Variants in CDH13 observed in about 807,000 individuals in gnomAD.
CDH13 encodes the protein cadherin-13.
A neutral mutation model predicts 63.8 loss-of-function variants in CDH13; 24 were observed. The observed-to-expected ratio is 0.38, with a 90% CI of 0.27 to 0.53. The LOEUF (loss-of-function observed/expected upper bound fraction) is 0.53, where lower values mean the gene tolerates loss of function less well. Ranked by LOEUF, CDH13 falls within the 20% of genes least tolerant of loss-of-function variation. The probability of loss-of-function intolerance (pLI) is 0.85; values close to 1 mark genes in which losing one functional copy is unlikely to be tolerated. For missense variants in CDH13, 1,049 were observed against 903.1 expected, an observed-to-expected ratio of 1.16 and a Z score of -2.07; for synonymous variants, 503 against 355.3, an observed-to-expected ratio of 1.42 and a Z score of -4.67.
chr16:82,723,057 A>C (rs1009608941), intron 1 of CDH13: 7 of 152,356 alleles, frequency 4.6e-5, no homozygotes, highest in Non-Finnish European at 1.0e-4. Context: ...AGTCTAGTCC[A>C]ACATCTGGAA....
At chr16:83,784,997 T>C (rs1483274948) in intron 13 of CDH13, among the ~76,000 whole-genome samples, 1 of 152,224 alleles carries the variant, frequency 6.6e-6, no homozygotes, top group Non-Finnish European at 1.5e-5. Context: ...AGGCTTCTCC[T>C]GAGTCTTTTC....
intron 2 of CDH13, among the ~76,000 whole-genome samples, chr16:82,925,047 C>A (rs537473623): frequency 6.6e-5 from 10 of 152,104 alleles, no homozygotes; most frequent in Admixed American, 4.6e-4. Context: ...TATTTTTCTT[C>A]CATTAATCAT....
intron 9 of CDH13, among the ~76,000 whole-genome samples, chr16:83,673,249 C>A (rs533687225): frequency 6.6e-6 from 1 of 152,156 alleles, no homozygotes; most frequent in African/African-American, 2.4e-5. Context: ...CTTAATATTA[C>A]GTAGTACATA....
intron 1 of CDH13, among the ~76,000 whole-genome samples, chr16:82,792,151 G>A (rs942549704): frequency 3.9e-5 from 6 of 152,036 alleles, no homozygotes; most frequent in African/African-American, 1.2e-4. Context: ...AGCCATCCCC[G>A]GTTCCTTGAC....
At chr16:83,470,050 A>G (rs2073415727) in intron 6 of CDH13, among the ~76,000 whole-genome samples, 1 of 152,190 alleles carries the variant, frequency 6.6e-6, no homozygotes, top group African/African-American at 2.4e-5. Flanking sequence ...ATTACAGTAC[A>G]AGATATCCTG....
At chr16:82,912,963 G>C (rs1013632359) in intron 2 of CDH13, among the ~76,000 whole-genome samples, 2 of 151,608 alleles carry the variant, frequency 1.3e-5, no homozygotes, top group African/African-American at 4.8e-5. Flanking sequence ...AAAAAGAGTG[G>C]TGCTTCAAAA....
intron 7 of CDH13, among the ~76,000 whole-genome samples, chr16:83,523,261 C>A (rs775864402): frequency 6.6e-6 from 1 of 152,160 alleles, no homozygotes. Flanking sequence ...CCTGTCATGT[C>A]CATAATAGGT....
chr16:83,275,353 G>A (rs2088954403), intron 5 of CDH13, among the ~76,000 whole-genome samples: 1 of 152,188 alleles, frequency 6.6e-6, no homozygotes, highest in Non-Finnish European at 1.5e-5. Flanking sequence ...GTTGGGTCAT[G>A]TCCACCTAAT....
At chr16:83,212,328 A>G (rs139492754) in intron 4 of CDH13, among the ~76,000 whole-genome samples, 4 of 152,286 alleles carry the variant, frequency 2.6e-5, no homozygotes, top group African/African-American at 9.6e-5. Context: ...CCAAGAAGCC[A>G]GAGAGGTGGT....
chr16:83,583,364 C>T lies in CDH13; in HGVS notation c.961-19090C>T, dbSNP rs942657338. Among the ~76,000 whole-genome samples, 5 of 152,162 alleles carry T rather than the reference C, an allele frequency of 3.3e-5. No homozygotes were observed. The East Asian group carries it at 9.6e-4, about 29-fold the overall frequency. On this transcript the variant is annotated intron_variant, in intron 7 of 13. Coordinates refer to ENST00000567109, the MANE Select transcript of CDH13 (RefSeq NM_001257.5). Reference sequence around the variant, plus strand: ...CGACCACCATTCAACACATACAAGCCCGTGGAGATAGCACTCACTTCACTT... The same window carrying T: ...CGACCACCATTCAACACATACAAGCTCGTGGAGATAGCACTCACTTCACTT...
At chr16:83,160,869 G>A (rs67491333) in intron 4 of CDH13, among the ~76,000 whole-genome samples, 34,517 of 152,106 alleles carry the variant, frequency 0.23, 5,522 homozygotes, top group African/African-American at 0.46. Flanking sequence ...TTCCACACAA[G>A]TGTTTGTCTG....
chr16:83,100,231 G>T (rs1165046724), intron 3 of CDH13, among the ~76,000 whole-genome samples: 5 of 152,016 alleles, frequency 3.3e-5, no homozygotes, highest in Non-Finnish European at 7.4e-5. Context: ...TATGGGGGTG[G>T]GGGAGACAAA....
chr16:82,662,756 G>T (rs1357989839), intron 1 of CDH13, among the ~76,000 whole-genome samples: 2 of 152,216 alleles, frequency 1.3e-5, no homozygotes, highest in African/African-American at 4.8e-5. Context: ...AATAGCGCCT[G>T]AGAGGCTTAA....
Position 83,798,798 on chromosome 16 carries a change from T to C in CDH13, c.*3768T>C, listed in dbSNP as rs1477549490. On this transcript the variant is annotated 3_prime_UTR_variant, in exon 14 of 14. Transcript: ENST00000567109. ...GGTACCCTTTACTATTAAGTACCTT[T>C]TACTAACAGTATCTTCTGTTACCTA... 1 of 152,170 alleles carries C rather than the reference T, an allele frequency of 6.6e-6. No individual in the cohort carries two copies. The highest frequency in any genetic ancestry group is 1.5e-5 in the Non-Finnish European group (1 of 68,034). 9.4% of individuals were successfully genotyped at this position (152,170 alleles called of 1,614,324 possible). A position where few individuals can be genotyped will look rare whatever the true frequency, so the allele number is the denominator to read the frequency against.
Position 82,883,086 on chromosome 16 carries a change from A to G in CDH13, c.157+24613A>G, listed in dbSNP as rs111352509. On this transcript the variant is annotated intron_variant, in intron 2 of 13. Coordinates refer to ENST00000567109, the MANE Select transcript of CDH13 (RefSeq NM_001257.5). ...GAGAGACAGGATTTTATAGAATGCC[A>G]TCACCTGAGGCTGTGACAATGGGGT... Among the ~76,000 whole-genome samples, 441 of 152,286 alleles carry G rather than the reference A, an allele frequency of 2.9e-3. 1 individual carries two copies. The highest frequency in any genetic ancestry group is 0.01 in the Middle Eastern group (3 of 294).
intron 5 of CDH13, among the ~76,000 whole-genome samples, chr16:83,252,681 C>T (rs2151826922): frequency 6.6e-6 from 1 of 152,194 alleles, no homozygotes; most frequent in African/African-American, 2.4e-5. Flanking sequence ...TGATTACCTT[C>T]TTAGAAGACA....
At chr16:82,990,315 T>G (rs4783304) in intron 2 of CDH13, 1 of 151,992 alleles carries the variant, frequency 6.6e-6, no homozygotes, top group Admixed American at 6.5e-5. Context: ...TTTTTGTTTC[T>G]CTTGGAATGA....
intron 5 of CDH13, among the ~76,000 whole-genome samples, chr16:83,286,776 A>G (rs1451487341): frequency 6.8e-6 from 1 of 148,084 alleles, no homozygotes; most frequent in Non-Finnish European, 1.5e-5. Context: ...AAATGTATAT[A>G]TATATATTTA....
intron 2 of CDH13, among the ~76,000 whole-genome samples, chr16:82,920,701 ACT>A (rs1011528262): frequency 1.3e-5 from 2 of 151,678 alleles, no homozygotes; most frequent in African/African-American, 2.4e-5. Context: ...TCTCTCACAC[ACT>A]CTCTTTTTTC....
Sources: gnomAD v4.1 joint callset for allele counts (sites outside exome capture counted in the v4.1 genomes callset) on GRCh38, gnomAD v4.1.1 for gene constraint, MANE v1.5 for transcripts, NCBI Gene and HGNC (gene_info 2026-07-23, HGNC 2026-07-21) for gene names.